Variants in STARD9 observed in about 807,000 individuals in gnomAD.
STARD9 encodes stAR-related lipid transfer protein 9.
Under a neutral mutation model 399.8 loss-of-function variants are expected in STARD9, and 346 were observed. The observed-to-expected ratio is 0.87, with a 90% CI of 0.79 to 0.95. STARD9 has a LOEUF of 0.95. Among genes scored for constraint, STARD9 ranks in the 40% least tolerant of loss-of-function variants. The pLI is 0.00. For missense variants in STARD9, 5,832 were observed against 5,667.5 expected, an observed-to-expected ratio of 1.03 and a Z score of -0.93; for synonymous variants, 2,203 against 2,143.5, an observed-to-expected ratio of 1.03 and a Z score of -0.77.
chr15:42,625,645 C>CCATTT (rs2059189833), intron 3 of STARD9, among the ~76,000 whole-genome samples: 1 of 24,284 alleles, frequency 4.1e-5, no homozygotes, highest in Admixed American at 6.1e-4. Flanking sequence ...TTTCTTCTTC[C>CCATTT]TATTTTTTTT....
In STARD9 at chr15:42,674,415, TA is replaced by T. The variant is rs1167249539; in HGVS notation, c.1498-21del. 12 of 1,531,974 alleles carry T rather than the reference TA, an allele frequency of 7.8e-6. No homozygotes were observed. The East Asian group carries it at 2.7e-4, about 34-fold the overall frequency. 94.9% of individuals were successfully genotyped at this position (1,531,974 alleles called of 1,614,324 possible). A position where few individuals can be genotyped will look rare whatever the true frequency, so the allele number is the denominator to read the frequency against. On this transcript the variant is annotated intron_variant, in intron 16 of 32. Transcript: ENST00000290607. ...AGGCTCTGTCCCTTTTAATTCTCAT[TA>T]AAATGGCTTTTTTCCCCCTTTAGGA...
At chr15:42,610,946 G>A (rs954602206) in intron 3 of STARD9, among the ~76,000 whole-genome samples, 1 of 152,168 alleles carries the variant, frequency 6.6e-6, no homozygotes, top group Admixed American at 6.5e-5. Context: ...AATGGGTCGA[G>A]GTGATCTGTA....
At chr15:42,625,697 T>C (rs890135665) in intron 3 of STARD9, among the ~76,000 whole-genome samples, 5 of 151,432 alleles carry the variant, frequency 3.3e-5, no homozygotes, top group Non-Finnish European at 5.9e-5. Flanking sequence ...AGAACTTCTT[T>C]TCTGTGTGAA....
rs1478457292 is a variant in STARD9 at position 42,719,687 on chromosome 15, C to T, written c.*113C>T. On this transcript the variant is annotated 3_prime_UTR_variant, in exon 33 of 33. Coordinates refer to ENST00000290607, the MANE Select transcript of STARD9 (RefSeq NM_020759.3). Reference sequence around the variant, plus strand: ...CACAGTGCAGGAAAAGCTGATGCTACCTGCTGTGGCCGATTGGGGCAGACA... The same window carrying T: ...CACAGTGCAGGAAAAGCTGATGCTATCTGCTGTGGCCGATTGGGGCAGACA... The T allele has an allele frequency of 1.7e-5, 12 of 701,806 alleles. No individual in the cohort carries two copies. Among genetic ancestry groups the T allele is most frequent in the Non-Finnish European group, 2.6e-5 (11 of 419,566 alleles). 43.5% of individuals were successfully genotyped at this position (701,806 alleles called of 1,614,324 possible).
intron 3 of STARD9, among the ~76,000 whole-genome samples, chr15:42,631,842 T>A (rs563034338): frequency 3.4e-4 from 52 of 152,184 alleles, no homozygotes; most frequent in Non-Finnish European, 6.6e-4. Context: ...TTATTTAAGA[T>A]GTGTTTTGTG....
At chr15:42,592,610 A>T in intron 3 of STARD9, among the ~76,000 whole-genome samples, 1 of 151,882 alleles carries the variant, frequency 6.6e-6, no homozygotes, top group Non-Finnish European at 1.5e-5. Context: ...ACACCCGGCT[A>T]ATTTTTGTAT....
At chr15:42,712,251 A>G (rs2061257464) in intron 26 of STARD9, among the ~76,000 whole-genome samples, 1 of 146,798 alleles carries the variant, frequency 6.8e-6, no homozygotes, top group Non-Finnish European at 1.5e-5. Flanking sequence ...AATTCACAGA[A>G]AATGTCCTCC....
chr15:42,598,915 T>TTTG (rs879692984), intron 3 of STARD9, among the ~76,000 whole-genome samples: 53 of 152,252 alleles, frequency 3.5e-4, no homozygotes, highest in Admixed American at 2.7e-3. Context: ...CTCTGTTTTT[T>TTTG]TTGTTGTTGT....
chr15:42,712,078 A>G (rs1183473113), intron 26 of STARD9, among the ~76,000 whole-genome samples: 1 of 43,194 alleles, frequency 2.3e-5, no homozygotes, highest in Non-Finnish European at 3.2e-5. Context: ...ATATATATAT[A>G]TATTATATAT....
chr15:42,717,087 C>T lies in STARD9; in HGVS notation c.13494+39C>T, dbSNP rs1274122811. On this transcript the variant is annotated intron_variant, in intron 28 of 32. Coordinates refer to ENST00000290607, the MANE Select transcript of STARD9 (RefSeq NM_020759.3). The stretch of plus-strand genomic sequence containing the variant: ...CCCACCCATCCCTACCATTCCTTTA[C>T]CCAGACCTCTGCTGGGTGTGCAGGA... 8 of 1,535,192 alleles carry T rather than the reference C, an allele frequency of 5.2e-6. No individual in the cohort carries two copies. The Admixed American group carries it at 9.8e-5, about 19-fold the overall frequency.
intron 20 of STARD9, among the ~76,000 whole-genome samples, chr15:42,678,706 T>C (rs1946571701): frequency 6.6e-6 from 1 of 152,020 alleles, no homozygotes; most frequent in South Asian, 2.1e-4. Flanking sequence ...CAAGCAGGTG[T>C]CTAGGCAGCA....
chr15:42,694,579 G>A lies in STARD9; in HGVS notation c.12816G>A (p.Gly4272=), dbSNP rs987620906. ...TLRRERAERL[G]NFCRTRSLSP... is the part of the protein sequence containing the mutation. ...GGAGAGAGCGGGCTGAGCGACTTGG[G>A]AACTTCTGCCGGACGCGAAGCCTTA... Residue 4272 remains glycine (G), a synonymous_variant, in exon 24 of 33, where the codon GGG becomes GGA. Coordinates refer to ENST00000290607, the MANE Select transcript of STARD9 (RefSeq NM_020759.3). The A allele has an allele frequency of 1.3e-6, 2 of 1,537,220 alleles. No homozygotes were observed. Among genetic ancestry groups the A allele is most frequent in the Non-Finnish European group, 1.7e-6 (2 of 1,146,902 alleles).
intron 25 of STARD9, 127 bp from the exon 26 acceptor site, chr15:42,695,616 C>A: frequency 2.7e-6 from 3 of 1,108,786 alleles, no homozygotes; most frequent in South Asian, 1.6e-5. Context: ...GTCAGGGAGG[C>A]CCTGGGAGGT....
chr15:42,625,684 TGAA>T (rs777934906), intron 3 of STARD9, among the ~76,000 whole-genome samples: 3 of 141,364 alleles, frequency 2.1e-5, no homozygotes, highest in African/African-American at 7.6e-5. Context: ...GAAAAACTAA[TGAA>T]GAACTTCTTT....
At chr15:42,661,130 G>T (rs1388380771) in intron 9 of STARD9, 28 bp from the exon 10 acceptor site, 2 of 1,496,040 alleles carry the variant, frequency 1.3e-6, no homozygotes, top group Non-Finnish European at 1.8e-6. Context: ...CGTTCCAAAT[G>T]ACAGGCTTTA....
At position 42,717,016 on chromosome 15, in the gene STARD9, G is replaced by T. The variant is rs1386383826; in HGVS notation, c.13462G>T (p.Ala4488Ser). 6.5e-7 allele frequency: 1 copy of T among 1,537,100 alleles called. No homozygotes were observed. The highest frequency in any genetic ancestry group is 8.7e-7 in the Non-Finnish European group (1 of 1,146,888). ...TCFSSSYQDL[A>S]KHVVDTSMAD... ...CTTTTCCTCCTCCTACCAGGATTTG[G>T]CCAAGCATGTCGTGGACACTTCTAT... Residue 4488 changes from alanine (A) to serine (S), a missense_variant, in exon 28 of 33, where the codon GCC becomes TCC. Coordinates refer to ENST00000290607, the MANE Select transcript of STARD9 (RefSeq NM_020759.3).
At chr15:42,705,826 T>A (rs1315175210) in intron 26 of STARD9, among the ~76,000 whole-genome samples, 1 of 151,922 alleles carries the variant, frequency 6.6e-6, no homozygotes, top group East Asian at 1.9e-4. Flanking sequence ...GATCTCAGCT[T>A]ACTGCAACCT....
At chr15:42,582,407 A>T (rs191154656) in intron 1 of STARD9, among the ~76,000 whole-genome samples, 2 of 152,346 alleles carry the variant, frequency 1.3e-5, no homozygotes, top group Non-Finnish European at 2.9e-5. Flanking sequence ...ATGAAAAAGG[A>T]TAGGTATCAG....
At chr15:42,650,096 C>T (rs1479284036) in intron 7 of STARD9, among the ~76,000 whole-genome samples, 1 of 151,906 alleles carries the variant, frequency 6.6e-6, no homozygotes, top group Non-Finnish European at 1.5e-5. Flanking sequence ...AAACTCCTGA[C>T]CTCAGGCCCG....
Sources: gnomAD v4.1 joint callset for allele counts (sites outside exome capture counted in the v4.1 genomes callset) on GRCh38, gnomAD v4.1.1 for gene constraint, MANE v1.5 for transcripts, NCBI Gene and HGNC (gene_info 2026-07-23, HGNC 2026-07-21) for gene names.